CHD6: variants seen among roughly 807,000 people sequenced by gnomAD.
CHD6 encodes ATP-dependent chromatin remodeler CHD6.
A neutral mutation model predicts 276.9 loss-of-function variants in CHD6; 50 were observed. The observed-to-expected ratio is 0.18, with a 90% CI of 0.14 to 0.23. The LOEUF (loss-of-function observed/expected upper bound fraction) is 0.23. Among genes scored for constraint, CHD6 ranks in the 10% least tolerant of loss-of-function variants. CHD6 has a pLI of 1.00. For missense variants in CHD6, 2,564 were observed against 3,365.8 expected (o/e 0.76, Z 5.89); for synonymous variants, 1,173 against 1,229.3 (o/e 0.95, Z 0.96).
intron 1 of CHD6, among the ~76,000 whole-genome samples, chr20:41,590,883 T>A (rs1267633131): frequency 8.6e-5 from 13 of 151,604 alleles, no homozygotes; most frequent in Admixed American, 6.6e-4. Context: ...GGATTATAAA[T>A]CATGCTGCTA....
chr20:41,422,178 T>C lies in CHD6; in HGVS notation c.4556-99A>G, dbSNP rs55687021. The C allele has an allele frequency of 1.7e-3, 2,122 of 1,264,396 alleles. 4 individuals carry two copies. The highest frequency in any genetic ancestry group is 2.4e-3 in the Admixed American group (90 of 37,398). The allele number at this position is 1,264,396 out of a possible 1,614,324, so 78.3% of individuals were successfully genotyped here. A position where few individuals can be genotyped will look rare whatever the true frequency, so the allele number is the denominator to read the frequency against. ...TCTTTGGTCTTGGAGTTTAGCTCCCTGGCTCCTCAGCATGGCAGTTTCAGG... is the reference window on the plus strand; with the variant it reads ...TCTTTGGTCTTGGAGTTTAGCTCCCCGGCTCCTCAGCATGGCAGTTTCAGG... On this transcript the variant is annotated intron_variant, in intron 30 of 36. Transcript: ENST00000373233.
intron 5 of CHD6, among the ~76,000 whole-genome samples, chr20:41,507,829 C>A (rs1286096047): frequency 2.0e-5 from 3 of 152,148 alleles, no homozygotes; most frequent in Non-Finnish European, 2.9e-5. Context: ...TATTTACCTT[C>A]AACCTCAGCC....
intron 36 of CHD6, among the ~76,000 whole-genome samples, chr20:41,411,812 G>A (rs2294577): frequency 0.14 from 20,916 of 152,110 alleles, 2,705 homozygotes; most frequent in East Asian, 0.33. Flanking sequence ...CCAATAATGA[G>A]TTTTGTTCAC....
chr20:41,586,374 AT>A (rs1319632038), intron 1 of CHD6, among the ~76,000 whole-genome samples: 4 of 152,178 alleles, frequency 2.6e-5, no homozygotes, highest in Admixed American at 6.5e-5. Flanking sequence ...GAGGCTCACC[AT>A]TGTTCCTGCA....
At chr20:41,518,857 G>A (rs1263628723) in intron 3 of CHD6, among the ~76,000 whole-genome samples, 1 of 152,118 alleles carries the variant, frequency 6.6e-6, no homozygotes, top group Non-Finnish European at 1.5e-5. Flanking sequence ...TCTGCTCTTT[G>A]GAAAAAGTTT....
chr20:41,422,914 G>A (rs1307200544), intron 30 of CHD6, among the ~76,000 whole-genome samples: 1 of 152,188 alleles, frequency 6.6e-6, no homozygotes, highest in Admixed American at 6.5e-5. Flanking sequence ...AGGCTCAATG[G>A]TTGCTTTGGC....
At chr20:41,557,432 A>ATC (rs1417254611) in intron 1 of CHD6, among the ~76,000 whole-genome samples, 7 of 151,338 alleles carry the variant, frequency 4.6e-5, no homozygotes, top group Non-Finnish European at 8.8e-5. Flanking sequence ...TTAAATTACT[A>ATC]TCTCTCTCTC....
intron 2 of CHD6, among the ~76,000 whole-genome samples, chr20:41,534,086 TTA>T (rs2044763262): frequency 6.6e-6 from 1 of 152,130 alleles, no homozygotes; most frequent in Non-Finnish European, 1.5e-5. Context: ...GGTTTAGAAG[TTA>T]TATCTCATTC....
rs778020986 is a variant in CHD6, at chr20:41,417,174, T to C, written c.6279+24A>G. 11 of 1,597,322 alleles carry C rather than the reference T, an allele frequency of 6.9e-6. No homozygotes were observed. In the South Asian group the frequency reaches 1.0e-4, roughly 15 times the overall value. ...AGCTGGGAATGGTTTGGGGGTAGGGTGGGAAACGCAAGCTCTGGGGTACCT... is the reference window on the plus strand; with the variant it reads ...AGCTGGGAATGGTTTGGGGGTAGGGCGGGAAACGCAAGCTCTGGGGTACCT... On this transcript the variant is annotated intron_variant, in intron 32 of 36. Transcript: ENST00000373233.
intron 1 of CHD6, among the ~76,000 whole-genome samples, chr20:41,615,965 T>C (rs2045931472): frequency 6.6e-6 from 1 of 152,266 alleles, no homozygotes; most frequent in Admixed American, 6.5e-5. Context: ...CTGTTGTTTC[T>C]GATAGGTTTT....
intron 20 of CHD6, among the ~76,000 whole-genome samples, chr20:41,453,166 T>G (rs941930355): frequency 1.3e-5 from 2 of 152,106 alleles, no homozygotes; most frequent in East Asian, 3.9e-4. Flanking sequence ...CCCCCAGTGC[T>G]GCTTGTCACC....
At chr20:41,417,156 A>C (rs766305822) in intron 32 of CHD6, 42 bp downstream of exon 32, 2 of 1,561,992 alleles carry the variant, frequency 1.3e-6, no homozygotes, top group Non-Finnish European at 1.7e-6. Flanking sequence ...CAAAGCTGGG[A>C]ATGGTTTGGG....
At position 41,445,181 on chromosome 20, in the gene CHD6, T is replaced by C. The variant is rs532723172; in HGVS notation, c.3877+484A>G. Among the ~76,000 whole-genome samples, 4 of 152,334 alleles carry C rather than the reference T, an allele frequency of 2.6e-5. No homozygotes were observed. The South Asian group carries it at 8.3e-4, about 32-fold the overall frequency. On this transcript the variant is annotated intron_variant, in intron 25 of 36. Coordinates refer to ENST00000373233, the MANE Select transcript of CHD6 (RefSeq NM_032221.5). ...AATTACCACATTTTTAAAAAGACAG[T>C]CTATGCTATCTTCTATGCTTAGTTT...
intron 1 of CHD6, among the ~76,000 whole-genome samples, chr20:41,588,093 T>C (rs889410422): frequency 6.6e-6 from 1 of 151,470 alleles, no homozygotes; most frequent in African/African-American, 2.4e-5. Flanking sequence ...AAAAGAAGGG[T>C]GAGGCTGACC....
chr20:41,476,371 T>C (rs775950708), intron 16 of CHD6, among the ~76,000 whole-genome samples: 1 of 151,968 alleles, frequency 6.6e-6, no homozygotes, highest in Non-Finnish European at 1.5e-5. Context: ...TCTATGTGAC[T>C]GGCCAGGAGT....
intron 1 of CHD6, among the ~76,000 whole-genome samples, chr20:41,555,157 G>C (rs1398090244): frequency 7.7e-6 from 1 of 129,380 alleles, no homozygotes; most frequent in Admixed American, 7.8e-5. Flanking sequence ...GGGCAGAGGG[G>C]CTCCTCACTT....
rs757654310 is a variant in CHD6, at chr20:41,425,188, C to T, written c.4336G>A (p.Ala1446Thr). Reference sequence around the variant, plus strand: ...GCCACTGGCTTTTACCTCTTTTGGGCTTCCTTGTTGATGAGGTCCATTTCT... The same window carrying T: ...GCCACTGGCTTTTACCTCTTTTGGGTTTCCTTGTTGATGAGGTCCATTTCT... ...TSEMDLINKE[A>T]QKRWTRREQA... The change falls in exon 29 of 37, where the codon GCC becomes ACC. Residue 1446 changes from alanine (A) to threonine (T), a missense_variant. Around this residue, in one of 7 missense-constraint regions of CHD6, gnomAD observed 515 missense variants for 739.5 expected, o/e 0.70. Coordinates refer to ENST00000373233, the MANE Select transcript of CHD6 (RefSeq NM_032221.5). 1.9e-6 allele frequency: 3 copies of T among 1,614,162 alleles called. No homozygotes were observed. The highest frequency in any genetic ancestry group is 2.5e-6 in the Non-Finnish European group (3 of 1,179,992).
chr20:41,610,510 C>A (rs945306549), intron 1 of CHD6, among the ~76,000 whole-genome samples: 2 of 152,108 alleles, frequency 1.3e-5, no homozygotes, highest in Non-Finnish European at 2.9e-5. Context: ...GCCCGTAATC[C>A]CAGCACTTTG....
At chr20:41,570,110 A>G (rs533502471) in intron 1 of CHD6, among the ~76,000 whole-genome samples, 3 of 152,370 alleles carry the variant, frequency 2.0e-5, no homozygotes, top group South Asian at 2.1e-4. Context: ...AATGAGACTC[A>G]TATCTTCAAT....
Sources: allele counts gnomAD v4.1 joint callset (sites outside exome capture counted in the v4.1 genomes callset), GRCh38; gene constraint gnomAD v4.1.1; regional missense constraint gnomAD v4.1.1; transcripts MANE v1.5; gene names NCBI Gene and HGNC (gene_info 2026-07-23, HGNC 2026-07-21).